The following RGS3 variants were observed in gnomAD, a reference collection of about 807,000 sequenced individuals.
RGS3 encodes regulator of G protein signaling 3, also known as regulator of G-protein signalling 3.
RGS3 carries 80 observed loss-of-function variants against 132.6 expected under a neutral mutation model. That is an observed-to-expected ratio of 0.60 (90% confidence interval 0.50 to 0.73). The LOEUF is 0.73. RGS3 is among the 30% of genes least tolerant of loss of function. The probability of loss-of-function intolerance (pLI) is 0.00; values close to 1 mark genes in which losing one functional copy is unlikely to be tolerated. For synonymous variants in RGS3, 598 were observed against 620.6 expected (o/e 0.96, Z 0.54); for missense variants, 1,382 against 1,530.8 (o/e 0.90, Z 1.62).
chr9:113,472,032 T>A (rs10217237), intron 3 of RGS3, among the ~76,000 whole-genome samples: 21,706 of 152,086 alleles, frequency 0.14, 1,672 homozygotes, highest in African/African-American at 0.2. Context: ...ATGCTCAATG[T>A]CATTAGTTAT....
At chr9:113,517,298 G>T in intron 15 of RGS3, 1 of 643,118 alleles carries the variant, frequency 1.6e-6, no homozygotes, top group Non-Finnish European at 2.9e-6. Context: ...AATGAGTGTA[G>T]CTCTCACGGT....
intron 19 of RGS3, among the ~76,000 whole-genome samples, chr9:113,551,730 G>A (rs1215135895): frequency 1.3e-5 from 2 of 152,122 alleles, no homozygotes; most frequent in African/African-American, 4.8e-5. Context: ...GTGGTGGCAG[G>A]CACTTGTAGT....
intron 15 of RGS3, among the ~76,000 whole-genome samples, chr9:113,515,520 A>T (rs1258225508): frequency 6.6e-6 from 1 of 152,058 alleles, no homozygotes; most frequent in Admixed American, 6.5e-5. Flanking sequence ...AATCCCAGCT[A>T]TTCGGGAGGC....
At chr9:113,561,606 G>A in intron 19 of RGS3, among the ~76,000 whole-genome samples, 1 of 132,420 alleles carries the variant, frequency 7.6e-6, no homozygotes, top group Non-Finnish European at 1.6e-5. Flanking sequence ...TTTTTTTGTA[G>A]AGATGGAGTC....
chr9:113,536,930 G>T lies in RGS3; in HGVS notation c.2037+12G>T, dbSNP rs570152940. 6.8e-6 allele frequency: 11 copies of T among 1,612,600 alleles called. No homozygotes were observed. The highest frequency in any genetic ancestry group is 1.1e-5 in the South Asian group (1 of 91,020). ...CCCCGGACAGCAAGGTAAGGGCCTT[G>T]ACAGTGGCTGTGGCCTGGCTGCCTC... On this transcript the variant is annotated intron_variant, in intron 19 of 24. Coordinates refer to ENST00000350696, the Ensembl canonical transcript of RGS3.
Position 113,591,830 on chromosome 9 carries a change from A to C in RGS3, c.3080+433A>C, listed in dbSNP as rs532035819. ...AATGCTAATAGTCTCAGGCATTGCC[A>C]GGAGGGGGCGCTGCTGGCCCAGCTG... On this transcript the variant is annotated intron_variant, in intron 21 of 24. Coordinates refer to ENST00000350696, the Ensembl canonical transcript of RGS3. The surrounding 1 kb of genome is among the most constrained non-coding windows in gnomAD (Gnocchi z 4.4). The C allele has an allele frequency of 5.8e-6, 1 of 171,132 alleles. No individual in the cohort carries two copies. Among genetic ancestry groups the C allele is most frequent in the South Asian group, 1.4e-4 (1 of 6,984 alleles). 10.6% of individuals were successfully genotyped at this position (171,132 alleles called of 1,614,324 possible).
chr9:113,505,163 A>C, intron 10 of RGS3: 1 of 475,072 alleles, frequency 2.1e-6, no homozygotes, highest in Non-Finnish European at 3.8e-6. Flanking sequence ...TCAGGATGGC[A>C]AAGTTTGCTT....
At chr9:113,459,177 A>C (rs1829418122), upstream of RGS3, among the ~76,000 whole-genome samples, 2 of 152,218 alleles carry the variant, frequency 1.3e-5, no homozygotes, top group African/African-American at 4.8e-5. Context: ...TAGCGCTGAC[A>C]CATCTTTGTT....
Position 113,594,983 on chromosome 9 carries a change from A to G in RGS3, c.3244+3A>G. 2 of 1,613,976 alleles carry G rather than the reference A, an allele frequency of 1.2e-6. No individual in the cohort carries two copies. Among genetic ancestry groups the G allele is most frequent in the South Asian group, 2.2e-5 (2 of 91,074 alleles). On this transcript the variant is annotated splice_donor_region_variant and intron_variant, in intron 23 of 24. Transcript: ENST00000350696. ...GGAGAAGCTGCTGGTTCACAAATGT[A>G]AGTTGGGCCTGCCTGCCCACTCCCT...
intron 1 of RGS3, among the ~76,000 whole-genome samples, chr9:113,445,476 G>A (rs930604013): frequency 6.6e-6 from 1 of 152,150 alleles, no homozygotes; most frequent in African/African-American, 2.4e-5. Context: ...GGGATTACAG[G>A]TGTGAGCCAC....
chr9:113,453,182 CATT>C (rs1350671298), intron 1 of RGS3, among the ~76,000 whole-genome samples: 70 of 122,750 alleles, frequency 5.7e-4, no homozygotes, highest in East Asian at 2.8e-3. Flanking sequence ...ATAATATACT[CATT>C]ATATGATTAC....
exon 20 of RGS3, chr9:113,583,735 G>C (rs2118979110): frequency 6.2e-7 from 1 of 1,614,028 alleles, no homozygotes; most frequent in East Asian, 2.2e-5. Flanking sequence ...TCCAGCCCAA[G>C]ACCTCTCACC....
chr9:113,476,355 C>T (rs1829994872), intron 3 of RGS3, among the ~76,000 whole-genome samples: 1 of 152,138 alleles, frequency 6.6e-6, no homozygotes, highest in African/African-American at 2.4e-5. Flanking sequence ...ACCGTTCTGG[C>T]TACAAAATGA....
chr9:113,536,107 T>C (rs752173110), intron 18 of RGS3, among the ~76,000 whole-genome samples: 9 of 152,330 alleles, frequency 5.9e-5, no homozygotes, highest in Non-Finnish European at 8.8e-5. Context: ...GAGACGAGAC[T>C]GTAGTACTTA....
chr9:113,447,977 C>T (rs1182234710), intron 1 of RGS3, among the ~76,000 whole-genome samples: 2 of 151,980 alleles, frequency 1.3e-5, no homozygotes, highest in Admixed American at 1.3e-4. Context: ...CCCATCTCAG[C>T]CTCATGAGTA....
chr9:113,472,004 C>T (rs755850541), intron 3 of RGS3, among the ~76,000 whole-genome samples: 1 of 151,944 alleles, frequency 6.6e-6, no homozygotes, highest in Admixed American at 6.6e-5. Context: ...AGAAAAATGG[C>T]TAACAGCATG....
chr9:113,514,695 C>T (rs377534817), intron 15 of RGS3, 41 bp downstream of exon 13: 30 of 1,595,534 alleles, frequency 1.9e-5, no homozygotes, highest in Middle Eastern at 2.1e-4. Flanking sequence ...TCAGGAGGAA[C>T]GGAGAAAGAG....
rs75652013 is a variant in RGS3, at chr9:113,586,721, T to C, written c.3015+2294T>C. On this transcript the variant is annotated intron_variant, in intron 20 of 24. Transcript: ENST00000350696. ...CAGTAGGAAACTTGTCAAGAGGAGA[T>C]GAAGCCCCGGATGGGACAAACACCG... Among the ~76,000 whole-genome samples the C allele has an allele frequency of 7.7e-3, 1,174 of 152,306 alleles. 47 individuals are homozygous for C. In the South Asian group the frequency reaches 0.095, roughly 12 times the overall value.
rs1418147348 is a variant in RGS3, at chr9:113,479,493, C to T, written c.418C>T (p.Gln140Ter). ...TGTTTCTGTTGCTGTTTCCTTAGGT[C>T]AGCTGAGGCTGTCCATTGATGCCCA... The change falls in exon 4 of 25, where the codon CAG becomes TAG. Residue 140 changes from glutamine to a stop codon, truncating the protein, a stop_gained and splice_region_variant. Coordinates refer to ENST00000350696, the Ensembl canonical transcript of RGS3. LOFTEE classifies it high-confidence loss of function. 3.1e-6 allele frequency: 5 copies of T among 1,614,080 alleles called. No individual in the cohort carries two copies. In the Admixed American group the frequency reaches 8.3e-5, roughly 27 times the overall value.
Sources: gnomAD v4.1 joint callset for allele counts (sites outside exome capture counted in the v4.1 genomes callset) on GRCh38, gnomAD v4.1.1 for gene constraint, Gnocchi (gnomAD v3.1) non-coding constraint, MANE v1.5 for transcripts, NCBI Gene and HGNC (gene_info 2026-07-23, HGNC 2026-07-21) for gene names.